The following STXBP5L variants were observed in gnomAD, a reference collection of about 807,000 sequenced individuals.
STXBP5L encodes syntaxin binding protein 5L, also known as syntaxin-binding protein 5-like.
In STXBP5L, 65 loss-of-function variants were observed where a neutral mutation model predicts 144.5. The observed-to-expected ratio is 0.45, with a 90% CI of 0.37 to 0.55. STXBP5L has a LOEUF of 0.55. Among genes scored for constraint, STXBP5L ranks in the 20% least tolerant of loss-of-function variants. STXBP5L has a pLI of 0.00. For synonymous variants in STXBP5L, 505 were observed against 469.6 expected (o/e 1.08, Z -0.97); for missense variants, 1,298 against 1,405.5 (o/e 0.92, Z 1.22).
intron 19 of STXBP5L, among the ~76,000 whole-genome samples, chr3:121,312,368 CTTTTTTT>C (rs71619793): frequency 3.3e-5 from 2 of 60,086 alleles, no homozygotes; most frequent in African/African-American, 6.5e-5. Flanking sequence ...TAAAGAGCTT[CTTTTTTT>C]TTTTTTTTTT....
chr3:121,324,168 G>C (rs909290038), intron 20 of STXBP5L, among the ~76,000 whole-genome samples: 1 of 152,072 alleles, frequency 6.6e-6, no homozygotes, highest in African/African-American at 2.4e-5. Flanking sequence ...AAATATCATA[G>C]AGGTTAGTCA....
intron 2 of STXBP5L, among the ~76,000 whole-genome samples, chr3:120,911,857 A>G (rs1315144363): frequency 1.3e-5 from 2 of 152,024 alleles, no homozygotes; most frequent in African/African-American, 2.4e-5. Flanking sequence ...ACATATAAAA[A>G]TGGACTAAGG....
intron 9 of STXBP5L, among the ~76,000 whole-genome samples, chr3:121,165,070 T>C (rs914271023): frequency 3.3e-5 from 5 of 152,228 alleles, no homozygotes; most frequent in African/African-American, 1.2e-4. Flanking sequence ...ATGATGGATA[T>C]GTTAACTTGC....
chr3:121,177,740 G>A (rs1652596013), intron 9 of STXBP5L, among the ~76,000 whole-genome samples: 1 of 152,122 alleles, frequency 6.6e-6, no homozygotes, highest in African/African-American at 2.4e-5. Flanking sequence ...AAAATTAAAA[G>A]TAGACTTACT....
At chr3:120,966,032 C>T (rs1939527153) in intron 3 of STXBP5L, among the ~76,000 whole-genome samples, 1 of 151,984 alleles carries the variant, frequency 6.6e-6, no homozygotes, top group African/African-American at 2.4e-5. Context: ...TTATTTTGAT[C>T]TTCCATCACT....
intron 20 of STXBP5L, among the ~76,000 whole-genome samples, 168 bp downstream of exon 20, chr3:121,318,708 A>G (rs2043867514): frequency 6.6e-6 from 1 of 152,202 alleles, no homozygotes; most frequent in South Asian, 2.1e-4. Context: ...AATACAAACA[A>G]ATGTCTTTTA....
chr3:121,242,454 T>C (rs77269486), intron 14 of STXBP5L, among the ~76,000 whole-genome samples: 2,937 of 152,162 alleles, frequency 0.019, 89 homozygotes, highest in African/African-American at 0.066. Context: ...ATGACACTCA[T>C]AGAATGTGAT....
chr3:120,917,310 A>G (rs984508883), intron 2 of STXBP5L, among the ~76,000 whole-genome samples: 8 of 152,236 alleles, frequency 5.3e-5, no homozygotes, highest in African/African-American at 1.9e-4. Flanking sequence ...CAACAATATA[A>G]TAGAGAATAT....
intron 7 of STXBP5L, among the ~76,000 whole-genome samples, chr3:121,126,198 A>G (rs1286964585): frequency 6.6e-6 from 1 of 152,186 alleles, no homozygotes; most frequent in African/African-American, 2.4e-5. Context: ...GGACTGAAAA[A>G]TACAGCCACA....
At chr3:121,189,311 A>C (rs1353746663) in intron 9 of STXBP5L, among the ~76,000 whole-genome samples, 10 of 152,144 alleles carry the variant, frequency 6.6e-5, no homozygotes, top group African/African-American at 2.4e-4. Context: ...CTATGTCCTG[A>C]ATGGTATTGC....
chr3:121,105,282 G>A (rs1480793242), intron 5 of STXBP5L, among the ~76,000 whole-genome samples: 2 of 152,066 alleles, frequency 1.3e-5, no homozygotes, highest in African/African-American at 4.8e-5. Context: ...TGTAGTTCCA[G>A]CTACTTGGGA....
chr3:121,033,286 T>A (rs1450977820), intron 3 of STXBP5L, among the ~76,000 whole-genome samples: 1 of 121,490 alleles, frequency 8.2e-6, no homozygotes, highest in South Asian at 3.0e-4. Flanking sequence ...ATGGATGAAA[T>A]TGGAAACCAT....
At chr3:121,204,540 A>G (rs953131674) in intron 9 of STXBP5L, among the ~76,000 whole-genome samples, 1 of 152,198 alleles carries the variant, frequency 6.6e-6, no homozygotes. Context: ...CTATTTGGAT[A>G]TGCTTATGTT....
At chr3:121,050,428 T>C (rs1389760655) in intron 5 of STXBP5L, among the ~76,000 whole-genome samples, 1 of 152,152 alleles carries the variant, frequency 6.6e-6, no homozygotes, top group African/African-American at 2.4e-5. Flanking sequence ...GGGGCCAATA[T>C]TCAACATTCT....
chr3:121,186,612 G>A (rs948125142), intron 9 of STXBP5L, among the ~76,000 whole-genome samples: 2 of 152,082 alleles, frequency 1.3e-5, no homozygotes, highest in African/African-American at 2.4e-5. Flanking sequence ...ATTTTCATAT[G>A]TTGAACCAGC....
intron 22 of STXBP5L, among the ~76,000 whole-genome samples, chr3:121,402,340 T>C (rs748223294): frequency 6.6e-6 from 1 of 152,162 alleles, no homozygotes; most frequent in Non-Finnish European, 1.5e-5. Context: ...AAACAATGTA[T>C]GTAAGGGAAA....
At chr3:121,370,369 A>G (rs908622602) in intron 20 of STXBP5L, among the ~76,000 whole-genome samples, 34 of 152,154 alleles carry the variant, frequency 2.2e-4, no homozygotes, top group African/African-American at 7.7e-4. Context: ...CTCCGTCTCA[A>G]AAAAAGTGTA....
chr3:121,218,465 C>A (rs1438390804), intron 10 of STXBP5L, among the ~76,000 whole-genome samples: 2 of 150,684 alleles, frequency 1.3e-5, no homozygotes, highest in African/African-American at 4.9e-5. Context: ...TTACTGCTTG[C>A]TTTTGAATTT....
At chr3:121,157,033 A>G (rs2046139894) in intron 8 of STXBP5L, among the ~76,000 whole-genome samples, 1 of 152,048 alleles carries the variant, frequency 6.6e-6, no homozygotes, top group Non-Finnish European at 1.5e-5. Flanking sequence ...ATAAAAGAAA[A>G]TTTAAACCTT....
Sources: gnomAD v4.1 joint callset for allele counts (sites outside exome capture counted in the v4.1 genomes callset) on GRCh38, gnomAD v4.1.1 for gene constraint, MANE v1.5 for transcripts, NCBI Gene and HGNC (gene_info 2026-07-23, HGNC 2026-07-21) for gene names.